Variants in STARD13 observed in about 807,000 individuals in gnomAD.
The protein encoded by STARD13 is stAR-related lipid transfer protein 13.
A neutral mutation model predicts 106.4 loss-of-function variants in STARD13; 62 were observed. That is an observed-to-expected ratio of 0.58 (90% CI 0.48 to 0.72). The LOEUF is 0.72. STARD13 is among the 30% of genes least tolerant of loss of function. The pLI, the probability that STARD13 is intolerant of heterozygous loss-of-function variation, is 0.00. For missense variants in STARD13, 1,387 were observed against 1,424.0 expected (o/e 0.97, Z 0.42); for synonymous variants, 565 against 553.0 (o/e 1.02, Z -0.31).
chr13:33,401,861 T>A, the STARD13 span, among the ~76,000 whole-genome samples: 1 of 152,214 alleles, frequency 6.6e-6, no homozygotes, highest in Non-Finnish European at 1.5e-5. Flanking sequence ...AACTTCATCT[T>A]TGTGGGTTTA....
intron 5 of STARD13, among the ~76,000 whole-genome samples, chr13:33,128,623 A>T (rs187792033): frequency 1.7e-3 from 259 of 152,306 alleles, no homozygotes; most frequent in African/African-American, 6.1e-3. Flanking sequence ...GGTATTGGTT[A>T]TCCAGGATTC....
intron 1 of STARD13, among the ~76,000 whole-genome samples, chr13:33,311,719 G>T (rs561753106): frequency 6.6e-6 from 1 of 152,264 alleles, no homozygotes; most frequent in African/African-American, 2.4e-5. Flanking sequence ...GCTCCTTTTT[G>T]GTTCTGGGAT....
At chr13:33,567,224 T>G in the STARD13 span, among the ~76,000 whole-genome samples, 1 of 148,700 alleles carries the variant, frequency 6.7e-6, no homozygotes, top group Non-Finnish European at 1.5e-5. Flanking sequence ...TAACAAATAT[T>G]CTGATAGAAA....
the STARD13 span, among the ~76,000 whole-genome samples, chr13:33,391,853 C>T: frequency 6.6e-6 from 1 of 152,038 alleles, no homozygotes; most frequent in African/African-American, 2.4e-5. Context: ...TGGAAGAGGC[C>T]TCTTGATGGG....
At chr13:33,192,561 T>C (rs1278193412) in intron 1 of STARD13, among the ~76,000 whole-genome samples, 1 of 152,246 alleles carries the variant, frequency 6.6e-6, no homozygotes, top group East Asian at 1.9e-4. Flanking sequence ...AAATGCTTTA[T>C]GTGCAATGGC....
chr13:33,555,196 T>C, the STARD13 span, among the ~76,000 whole-genome samples: 2 of 152,226 alleles, frequency 1.3e-5, no homozygotes, highest in Non-Finnish European at 2.9e-5. Flanking sequence ...AGGTGCCCTC[T>C]CAATCCATTC....
intron 3 of STARD13, among the ~76,000 whole-genome samples, chr13:33,160,753 C>T (rs1882522049): frequency 6.6e-6 from 1 of 152,078 alleles, no homozygotes; most frequent in East Asian, 1.9e-4. Flanking sequence ...AAAAGCAAAA[C>T]AAAAACTGAC....
At chr13:33,649,266 C>G in the STARD13 span, among the ~76,000 whole-genome samples, 3 of 152,088 alleles carry the variant, frequency 2.0e-5, no homozygotes, top group African/African-American at 7.3e-5. Context: ...AGGTGAAAGG[C>G]CCTTCACAGT....
chr13:33,396,877 C>A, the STARD13 span, among the ~76,000 whole-genome samples: 2 of 152,170 alleles, frequency 1.3e-5, no homozygotes, highest in African/African-American at 4.8e-5. Flanking sequence ...CCTATAATCA[C>A]CCCCAGCTTT....
the STARD13 span, among the ~76,000 whole-genome samples, chr13:33,385,857 A>AC: frequency 5.2e-4 from 77 of 147,758 alleles, no homozygotes; most frequent in African/African-American, 2.0e-3. Context: ...TCTCAAAAAA[A>AC]AAAAAACAAA....
intron 1 of STARD13, among the ~76,000 whole-genome samples, chr13:33,196,132 C>T (rs1224899209): frequency 6.6e-6 from 1 of 152,196 alleles, no homozygotes; most frequent in East Asian, 1.9e-4. Flanking sequence ...CGCCTGTAAT[C>T]TCAGCACTTT....
the STARD13 span, among the ~76,000 whole-genome samples, chr13:33,445,102 G>A: frequency 2.0e-5 from 3 of 152,072 alleles, no homozygotes; most frequent in Non-Finnish European, 4.4e-5. Flanking sequence ...GGCTTGTAAT[G>A]ATCAATCAAG....
chr13:33,189,461 A>G (rs1886079050), intron 1 of STARD13, among the ~76,000 whole-genome samples: 1 of 134,006 alleles, frequency 7.5e-6, no homozygotes, highest in African/African-American at 2.7e-5. Flanking sequence ...GCAGGAGGAA[A>G]GGGAAGGGAC....
At chr13:33,141,625 C>T (rs887206959) in intron 4 of STARD13, among the ~76,000 whole-genome samples, 2 of 152,010 alleles carry the variant, frequency 1.3e-5, no homozygotes, top group Admixed American at 6.6e-5. Flanking sequence ...CTTGTCACAC[C>T]GTCCCTGGGC....
Position 33,255,506 on chromosome 13 carries a change from T to A in STARD13, c.169+29964A>T, listed in dbSNP as rs572326978. 1.2e-4 allele frequency among the ~76,000 whole-genome samples: 19 copies of A among 152,030 alleles called. No homozygotes were observed. In the East Asian group the frequency reaches 3.7e-3, roughly 29 times the overall value. On this transcript the variant is annotated intron_variant, in intron 1 of 13. Coordinates refer to ENST00000336934, the MANE Select transcript of STARD13 (RefSeq NM_178006.4). ...GTCCACCCTCTCCCAGCCTAGTAGA[T>A]GTGGTGGTGAATGGGAAGGGAGAGT...
chr13:33,666,542 G>A, the STARD13 span, among the ~76,000 whole-genome samples: 4 of 151,988 alleles, frequency 2.6e-5, no homozygotes, highest in Admixed American at 2.0e-4. Context: ...TGATCTGCCC[G>A]CCTCAGCCTC....
chr13:33,215,621 G>A (rs1165046955), intron 1 of STARD13, among the ~76,000 whole-genome samples: 3 of 152,160 alleles, frequency 2.0e-5, no homozygotes, highest in Non-Finnish European at 2.9e-5. Flanking sequence ...TGTGACTGAA[G>A]AGTTACTGGA....
chr13:33,159,811 T>C (rs961463972), intron 3 of STARD13, among the ~76,000 whole-genome samples: 5 of 152,282 alleles, frequency 3.3e-5, no homozygotes, highest in African/African-American at 4.8e-5. Context: ...TGCTTAAAAC[T>C]ACAAGCACTC....
chr13:33,451,647 C>G, the STARD13 span, among the ~76,000 whole-genome samples: 1 of 152,056 alleles, frequency 6.6e-6, no homozygotes, highest in Non-Finnish European at 1.5e-5. Context: ...GAAGCCGGAG[C>G]TCAGGAATGT....
Sources: allele counts gnomAD v4.1 joint callset (sites outside exome capture counted in the v4.1 genomes callset), GRCh38; gene constraint gnomAD v4.1.1; transcripts MANE v1.5; gene names NCBI Gene and HGNC (gene_info 2026-07-23, HGNC 2026-07-21).